Variants in EYA4 observed in about 807,000 individuals in gnomAD.
EYA4 encodes protein phosphatase EYA4.
EYA4 carries 31 observed loss-of-function variants against 87.9 expected under a neutral mutation model. The observed-to-expected ratio is 0.35, with a 90% confidence interval of 0.27 to 0.48. The LOEUF (loss-of-function observed/expected upper bound fraction) is 0.48, where lower values mean the gene tolerates loss of function less well. Among genes scored for constraint, EYA4 ranks in the 20% least tolerant of loss-of-function variants. The probability of loss-of-function intolerance (pLI) is 0.99; values close to 1 mark genes in which losing one functional copy is unlikely to be tolerated. For synonymous variants in EYA4, 263 were observed against 270.6 expected (o/e 0.97, Z 0.28); for missense variants, 678 against 761.4 (o/e 0.89, Z 1.29).
At chr6:133,328,495 A>C (rs765019370) in intron 2 of EYA4, among the ~76,000 whole-genome samples, 3 of 152,128 alleles carry the variant, frequency 2.0e-5, no homozygotes, top group Admixed American at 6.5e-5. Flanking sequence ...GGCAGCACTA[A>C]TTTTCATTTT....
chr6:133,325,056 G>A (rs374481994), intron 2 of EYA4, among the ~76,000 whole-genome samples: 4 of 151,682 alleles, frequency 2.6e-5, no homozygotes, highest in Admixed American at 6.6e-5. Context: ...GACTACAGTC[G>A]CCCACCACCA....
chr6:133,252,705 C>G (rs1775001141), intron 1 of EYA4, among the ~76,000 whole-genome samples: 1 of 152,018 alleles, frequency 6.6e-6, no homozygotes, highest in African/African-American at 2.4e-5. Context: ...AAATATGAAA[C>G]ATTAATATTA....
chr6:133,381,891 C>T (rs1786257898), intron 2 of EYA4, among the ~76,000 whole-genome samples: 1 of 152,054 alleles, frequency 6.6e-6, no homozygotes, highest in South Asian at 2.1e-4. Flanking sequence ...ATGTGTGAAG[C>T]AGTGCTAAAC....
chr6:133,282,821 TAGCACCA>T (rs1249366658), intron 2 of EYA4, among the ~76,000 whole-genome samples: 1 of 152,096 alleles, frequency 6.6e-6, no homozygotes, highest in Non-Finnish European at 1.5e-5. Flanking sequence ...GGAAGAAGGG[TAGCACCA>T]AGCCTCATAA....
At chr6:133,469,819 A>G (rs1795172082) in intron 11 of EYA4, among the ~76,000 whole-genome samples, 1 of 152,066 alleles carries the variant, frequency 6.6e-6, no homozygotes, top group African/African-American at 2.4e-5. Flanking sequence ...AACACAATTC[A>G]TACAAGAAAA....
At chr6:133,288,810 A>G (rs1381388416) in intron 2 of EYA4, among the ~76,000 whole-genome samples, 1 of 152,136 alleles carries the variant, frequency 6.6e-6, no homozygotes, top group Non-Finnish European at 1.5e-5. Flanking sequence ...CTTCAGAGCC[A>G]TGGCCAAGCT....
At chr6:133,371,584 T>C (rs867613483) in intron 2 of EYA4, among the ~76,000 whole-genome samples, 2 of 152,156 alleles carry the variant, frequency 1.3e-5, no homozygotes, top group East Asian at 3.9e-4. Context: ...GAGAGGCCAA[T>C]TTTTTATCTC....
intron 2 of EYA4, among the ~76,000 whole-genome samples, chr6:133,354,659 C>T (rs1328579872): frequency 6.6e-6 from 1 of 152,062 alleles, no homozygotes; most frequent in Non-Finnish European, 1.5e-5. Flanking sequence ...TCTGTAAAAC[C>T]TTTTATAAGA....
chr6:133,376,761 G>T (rs147245582), intron 2 of EYA4, among the ~76,000 whole-genome samples: 1 of 151,840 alleles, frequency 6.6e-6, no homozygotes, highest in African/African-American at 2.4e-5. Context: ...AGAAATTATG[G>T]TATTTTCTAC....
chr6:133,361,857 G>A (rs554520950), intron 2 of EYA4, among the ~76,000 whole-genome samples: 4 of 152,296 alleles, frequency 2.6e-5, no homozygotes, highest in South Asian at 2.1e-4. Context: ...TTTGAAAGGT[G>A]CCCTGCATGT....
At chr6:133,451,465 A>T (rs1418864336) in intron 5 of EYA4, among the ~76,000 whole-genome samples, 1 of 152,208 alleles carries the variant, frequency 6.6e-6, no homozygotes, top group South Asian at 2.1e-4. Context: ...GTCAGGATTC[A>T]TGATGAACTA....
Position 133,274,775 on chromosome 6 carries a change from A to G in EYA4, c.-6A>G. ...TTGGGAGTGGCAGGAGAAGTGAGAAAACCACATGGAAGACTCCCAGGATTT... is the reference window on the plus strand; with the variant it reads ...TTGGGAGTGGCAGGAGAAGTGAGAAGACCACATGGAAGACTCCCAGGATTT... On this transcript the variant is annotated 5_prime_UTR_variant, in exon 2 of 20. Transcript: ENST00000355286. 1.2e-6 allele frequency: 2 copies of G among 1,613,474 alleles called. No individual in the cohort carries two copies. Among genetic ancestry groups the G allele is most frequent in the Non-Finnish European group, 1.7e-6 (2 of 1,179,526 alleles).
intron 2 of EYA4, among the ~76,000 whole-genome samples, chr6:133,287,632 GT>G (rs1300941521): frequency 1.4e-5 from 2 of 145,610 alleles, no homozygotes; most frequent in Non-Finnish European, 3.0e-5. Flanking sequence ...AGACAGAGAT[GT>G]ATAAGATAAC....
At chr6:133,325,595 A>G (rs1781438827) in intron 2 of EYA4, among the ~76,000 whole-genome samples, 1 of 152,154 alleles carries the variant, frequency 6.6e-6, no homozygotes, top group South Asian at 2.1e-4. Flanking sequence ...ACTTTATGAC[A>G]TTTTTATTAT....
Position 133,524,903 on chromosome 6 carries a change from G to A in EYA4, c.1739-251G>A. 3 of 896,614 alleles carry A rather than the reference G, an allele frequency of 3.3e-6. No individual in the cohort carries two copies. In the South Asian group the frequency reaches 4.0e-5, roughly 12 times the overall value. The allele number at this position is 896,614 out of a possible 1,614,324, so 55.5% of individuals were successfully genotyped here. A position where few individuals can be genotyped will look rare whatever the true frequency, so the allele number is the denominator to read the frequency against. ...AATATATGTTGATTTCATAAACCCA[G>A]AGGTTGTGAGCCAGTTCAAGTGATG... On this transcript the variant is annotated intron_variant, in intron 18 of 19. Transcript: ENST00000355286.
chr6:133,435,331 G>A (rs1186347167), intron 3 of EYA4: 2 of 152,240 alleles, frequency 1.3e-5, no homozygotes, highest in African/African-American at 4.8e-5. Context: ...CTGGCCTCAG[G>A]GACAGGGATG....
intron 3 of EYA4, among the ~76,000 whole-genome samples, chr6:133,402,588 T>G (rs1430249525): frequency 1.3e-5 from 2 of 151,830 alleles, no homozygotes; most frequent in Non-Finnish European, 2.9e-5. Context: ...AAGAGTGTAG[T>G]CAACTTTTCC....
chr6:133,342,261 G>A lies in EYA4; in HGVS notation c.34-40131G>A, dbSNP rs2128408172. Among the ~76,000 whole-genome samples, 2 of 150,924 alleles carry A rather than the reference G, an allele frequency of 1.3e-5. 1 individual carries two copies. Among genetic ancestry groups the A allele is most frequent in the South Asian group, 4.2e-4 (2 of 4,730 alleles). ...AGCATTTTGGATCTGGTACCTACTG[G>A]CTACAATTCATTGTTAGATTCAAGG... On this transcript the variant is annotated intron_variant, in intron 2 of 19. Transcript: ENST00000355286.
chr6:133,458,332 C>T lies in EYA4; in HGVS notation c.370+1684C>T, dbSNP rs144015269. ...TGATTTTGAAAATCATCAAGTACGACTAGAGGCGTTAAGTTCTCAATATTT... is the reference window on the plus strand; with the variant it reads ...TGATTTTGAAAATCATCAAGTACGATTAGAGGCGTTAAGTTCTCAATATTT... On this transcript the variant is annotated intron_variant, in intron 6 of 19. Transcript: ENST00000355286. Among the ~76,000 whole-genome samples the T allele has an allele frequency of 2.9e-3, 439 of 152,122 alleles. 2 individuals carry two copies. The highest frequency in any genetic ancestry group is 4.9e-3 in the Non-Finnish European group (336 of 67,988).
Sources: gnomAD v4.1 joint callset for allele counts (sites outside exome capture counted in the v4.1 genomes callset) on GRCh38, gnomAD v4.1.1 for gene constraint, MANE v1.5 for transcripts, NCBI Gene and HGNC (gene_info 2026-07-23, HGNC 2026-07-21) for gene names.